MYO9B: variants seen among roughly 807,000 people sequenced by gnomAD.
The protein encoded by MYO9B is unconventional myosin-IXb.
In MYO9B, 71 loss-of-function variants were observed where a neutral mutation model predicts 229.5. The observed-to-expected ratio is 0.31, with a 90% CI of 0.26 to 0.38. The LOEUF is 0.38. Ranked by LOEUF, MYO9B falls within the 10% of genes least tolerant of loss-of-function variation. MYO9B has a pLI of 1.00. For synonymous variants in MYO9B, 1,185 were observed against 1,235.8 expected (o/e 0.96, Z 0.86); for missense variants, 2,255 against 2,920.5 (o/e 0.77, Z 5.25).
Position 17,181,057 on chromosome 19 carries a change from G to A in MYO9B, c.2333+17G>A. On this transcript the variant is annotated intron_variant, in intron 15 of 39. Transcript: ENST00000682292. ...CTTCATCCTGTGAGTCCCCCACCAA[G>A]GCCCTGCTTACAAGTGCGACAACCG... is the stretch of plus-strand genomic sequence containing the variant. The A allele has an allele frequency of 1.3e-6, 2 of 1,568,426 alleles. No individual in the cohort carries two copies. Among genetic ancestry groups the A allele is most frequent in the South Asian group, 1.1e-5 (1 of 88,154 alleles).
intron 30 of MYO9B, 107 bp from the exon 31 acceptor site, chr19:17,205,150 CAAAAAA>C: frequency 2.0e-6 from 1 of 502,752 alleles, no homozygotes; most frequent in Non-Finnish European, 3.2e-6. Flanking sequence ...GACTCCATCT[CAAAAAA>C]AAAAAAAAAA....
At chr19:17,153,908 A>G in intron 4 of MYO9B, 59 bp from the exon 5 acceptor site, 1 of 1,272,488 alleles carries the variant, frequency 7.9e-7, no homozygotes, top group Non-Finnish European at 1.2e-6. Context: ...AGTGGTTCGC[A>G]GAGTAGCTAT....
intron 2 of MYO9B, among the ~76,000 whole-genome samples, chr19:17,115,777 G>A: frequency 6.6e-6 from 1 of 151,708 alleles, no homozygotes; most frequent in African/African-American, 2.4e-5. Flanking sequence ...GCCCCCAGGT[G>A]TCTTCTTATC....
chr19:17,169,680 T>A (rs1252311078), intron 11 of MYO9B, among the ~76,000 whole-genome samples: 1 of 152,106 alleles, frequency 6.6e-6, no homozygotes, highest in African/African-American at 2.4e-5. Context: ...CTCCTCCAGC[T>A]TCTAGGGGTC....
At position 17,179,238 on chromosome 19, in the gene MYO9B, A is replaced by ACAT. The variant is rs2072827120; in HGVS notation, c.2220-1688_2220-1687insATC. Among the ~76,000 whole-genome samples, 7 of 152,032 alleles carry ACAT rather than the reference A, an allele frequency of 4.6e-5. No individual in the cohort carries two copies. The South Asian group carries it at 1.2e-3, about 27-fold the overall frequency. ...GCAGATGTCCCCTGATGGGGATGGTACCGCCCCGGTTGAGAACTGCTGTGT... is the reference window on the plus strand; with the variant it reads ...GCAGATGTCCCCTGATGGGGATGGTACATCCGCCCCGGTTGAGAACTGCTGTGT... On this transcript the variant is annotated intron_variant, in intron 14 of 39. Transcript: ENST00000682292.
chr19:17,203,027 A>G (rs2073125281), intron 29 of MYO9B, 120 bp from the exon 30 acceptor site: 1 of 1,358,508 alleles, frequency 7.4e-7, no homozygotes, highest in Non-Finnish European at 1.0e-6. Flanking sequence ...TTCCCCCGGC[A>G]TATACGGAGC....
At chr19:17,092,325 G>A (rs1050603545) in intron 1 of MYO9B, among the ~76,000 whole-genome samples, 1 of 152,240 alleles carries the variant, frequency 6.6e-6, no homozygotes, top group Admixed American at 6.5e-5. Context: ...CACAGGACGG[G>A]CCAACTCTGC....
intron 2 of MYO9B, among the ~76,000 whole-genome samples, chr19:17,115,186 G>A (rs2057889536): frequency 6.6e-6 from 1 of 151,926 alleles, no homozygotes; most frequent in Non-Finnish European, 1.5e-5. Flanking sequence ...ACCAGGGGTT[G>A]GCAAACTACA....
chr19:17,075,945 G>C (rs1458667180), intron 1 of MYO9B, 71 bp downstream of exon 1: 1 of 152,318 alleles, frequency 6.6e-6, no homozygotes, highest in African/African-American at 2.4e-5. Context: ...GCAGAAGAGG[G>C]ACGGAGCTGA....
chr19:17,165,500 A>C (rs764981262), intron 10 of MYO9B, among the ~76,000 whole-genome samples: 1 of 152,024 alleles, frequency 6.6e-6, no homozygotes, highest in Non-Finnish European at 1.5e-5. Flanking sequence ...GCTTTAGGTC[A>C]GGAGTTCAAG....
At chr19:17,148,499 C>T (rs533232848) in intron 3 of MYO9B, among the ~76,000 whole-genome samples, 31 of 152,296 alleles carry the variant, frequency 2.0e-4, no homozygotes, top group Admixed American at 1.8e-3. Context: ...GCTACCTCCT[C>T]CAGCTTCTGG....
At chr19:17,202,992 T>A in intron 29 of MYO9B, 109 bp downstream of exon 29, 1 of 1,428,150 alleles carries the variant, frequency 7.0e-7, no homozygotes, top group Non-Finnish European at 9.6e-7. Flanking sequence ...CGCGTATGTG[T>A]GCGTGGACAC....
At chr19:17,197,993 G>T in intron 23 of MYO9B, 135 bp downstream of exon 23, 1 of 1,359,960 alleles carries the variant, frequency 7.4e-7, no homozygotes, top group Non-Finnish European at 1.0e-6. Flanking sequence ...GCAGGGTAGA[G>T]GTTGTAGTGA....
chr19:17,120,839 A>G (rs1001264595), intron 2 of MYO9B, among the ~76,000 whole-genome samples: 2 of 152,178 alleles, frequency 1.3e-5, no homozygotes, highest in African/African-American at 2.4e-5. Flanking sequence ...TAGTCCTGAC[A>G]TGGTGGCACA....
At chr19:17,122,027 C>A (rs1009845505) in intron 2 of MYO9B, among the ~76,000 whole-genome samples, 1 of 151,848 alleles carries the variant, frequency 6.6e-6, no homozygotes, top group African/African-American at 2.4e-5. Flanking sequence ...CTGTTCAAGT[C>A]CCTGTGGTTT....
Position 17,172,761 on chromosome 19 carries a change from C to G in MYO9B, c.1938C>G (p.Asp646Glu). The G allele has an allele frequency of 6.2e-7, 1 of 1,613,528 alleles. No homozygotes were observed. The highest frequency in any genetic ancestry group is 8.5e-7 in the Non-Finnish European group (1 of 1,179,740). The change falls in exon 13 of 40, where the codon GAC (aspartate) becomes GAG (glutamate). Residue 646 changes from aspartate to glutamate, a missense_variant and splice_region_variant. Around this residue, in one of 7 missense-constraint regions of MYO9B, gnomAD observed 220 missense variants for 404.5 expected, o/e 0.54. Coordinates refer to ENST00000682292, the MANE Select transcript of MYO9B (RefSeq NM_004145.4). The surrounding 1 kb of genome is among the most constrained non-coding windows in gnomAD (Gnocchi z 8.2). ...FAGKVKYQIKDFREKNMDYMR... is the reference protein window; with the variant it reads ...FAGKVKYQIKEFREKNMDYMR... ...CGCCCACATCCATCCCCCACCAGGA[C>G]TTCCGGGAGAAGAACATGGACTACA...
At chr19:17,206,952 C>A in intron 34 of MYO9B, 161 bp from the exon 35 acceptor site, 1 of 1,277,094 alleles carries the variant, frequency 7.8e-7, no homozygotes, top group Non-Finnish European at 1.1e-6. Flanking sequence ...CCGCCCGGGT[C>A]CCTTGAGGTA....
rs765116095 is a variant in MYO9B at position 17,152,638 on chromosome 19, T to C, written c.936-6T>C. 1.2e-6 allele frequency: 2 copies of C among 1,611,378 alleles called. No homozygotes were observed. Among genetic ancestry groups the C allele is most frequent in the East Asian group, 2.2e-5 (1 of 44,854 alleles). ...TTTATTCTTTCTGTTTTTCTCTTAA[T>C]GACAGAGCTGTCGTCGAGAAATATC... On this transcript the variant is annotated splice_region_variant and splice_polypyrimidine_tract_variant and intron_variant, in intron 3 of 39. Coordinates refer to ENST00000682292, the MANE Select transcript of MYO9B (RefSeq NM_004145.4).
intron 3 of MYO9B, 140 bp from the exon 4 acceptor site, chr19:17,152,504 A>G (rs1255694030): frequency 8.2e-6 from 5 of 607,512 alleles, no homozygotes; most frequent in Non-Finnish European, 1.4e-5. Context: ...CAGAGGTTGC[A>G]GTGAGCCGAG....
Sources: allele counts gnomAD v4.1 joint callset (sites outside exome capture counted in the v4.1 genomes callset), GRCh38; gene constraint gnomAD v4.1.1; regional missense constraint gnomAD v4.1.1; non-coding constraint Gnocchi (gnomAD v3.1); transcripts MANE v1.5; gene names NCBI Gene and HGNC (gene_info 2026-07-23, HGNC 2026-07-21).